Variants in FRMD8 observed in about 807,000 individuals in gnomAD.
The protein encoded by FRMD8 is FERM domain-containing protein 8.
A neutral mutation model predicts 54.2 loss-of-function variants in FRMD8; 37 were observed. That is an observed-to-expected ratio of 0.68 (90% CI 0.53 to 0.90). The LOEUF (loss-of-function observed/expected upper bound fraction) is 0.90. Among genes scored for constraint, FRMD8 ranks in the 40% least tolerant of loss-of-function variants. The pLI, the probability that FRMD8 is intolerant of heterozygous loss-of-function variation, is 0.00. For missense variants in FRMD8, 585 were observed against 653.7 expected, an observed-to-expected ratio of 0.89 and a Z score of 1.15; for synonymous variants, 246 against 286.9, an observed-to-expected ratio of 0.86 and a Z score of 1.44.
rs968088640 is a variant in FRMD8 at position 65,412,041 on chromosome 11, G to C, written c.*681G>C. On this transcript the variant is annotated 3_prime_UTR_variant, in exon 11 of 11. Coordinates refer to ENST00000317568, the MANE Select transcript of FRMD8 (RefSeq NM_031904.5). ...CAGGCAGGGCCCTACCTGGGGTCCTGTGCCCCTCGTTCTGGTCTCCTTTGC... is the reference window on the plus strand; with the variant it reads ...CAGGCAGGGCCCTACCTGGGGTCCTCTGCCCCTCGTTCTGGTCTCCTTTGC... 2.0e-5 allele frequency: 3 copies of C among 152,240 alleles called. No individual in the cohort carries two copies. The highest frequency in any genetic ancestry group is 4.4e-5 in the Non-Finnish European group (3 of 68,062). 9.4% of individuals were successfully genotyped at this position (152,240 alleles called of 1,614,324 possible).
At position 65,386,646 on chromosome 11, in the gene FRMD8, C is replaced by G. The variant is rs555865268; in HGVS notation, c.-116C>G. 20 of 215,294 alleles carry G rather than the reference C, an allele frequency of 9.3e-5. No homozygotes were observed. In the South Asian group the frequency reaches 9.8e-4, roughly 11 times the overall value. 13.3% of individuals were successfully genotyped at this position (215,294 alleles called of 1,614,324 possible). A position where few individuals can be genotyped will look rare whatever the true frequency, so the allele number is the denominator to read the frequency against. On this transcript the variant is annotated 5_prime_UTR_variant, in exon 1 of 11. Coordinates refer to ENST00000317568, the MANE Select transcript of FRMD8 (RefSeq NM_031904.5). The stretch of plus-strand genomic sequence containing the variant: ...CCGCCGTGGCTTCCGCGTCGCTTCC[C>G]GGTCAGCTGCGTCCTTAGCGGGAGC...
Position 65,404,460 on chromosome 11 carries a change from G to T in FRMD8, c.1072-404G>T, listed in dbSNP as rs533612662. ...CGCCCGCCCCTGCCCTGGTGACATC[G>T]CGCCCCTTCCTCCTGGCTGCAGGTT... On this transcript the variant is annotated intron_variant, in intron 9 of 10. Coordinates refer to ENST00000317568, the MANE Select transcript of FRMD8 (RefSeq NM_031904.5). The surrounding 1 kb of genome is among the most constrained non-coding windows in gnomAD (Gnocchi z 4.7). Among the ~76,000 whole-genome samples, 3 of 151,832 alleles carry T rather than the reference G, an allele frequency of 2.0e-5. No individual in the cohort carries two copies. In the South Asian group the frequency reaches 6.2e-4, roughly 31 times the overall value.
At chr11:65,380,198 T>G in the FRMD8 span, 15 of 1,614,086 alleles carry the variant, frequency 9.3e-6, no homozygotes, top group Non-Finnish European at 1.3e-5. Flanking sequence ...GAGGGTGCTA[T>G]GAGTGAGGGC....
the FRMD8 span, chr11:65,376,992 G>T: frequency 6.2e-7 from 1 of 1,613,742 alleles, no homozygotes; most frequent in Non-Finnish European, 8.5e-7. Context: ...TGGTACCGGG[G>T]TGGGGGGCTC....
At chr11:65,396,197 C>G (rs910642600) in intron 6 of FRMD8, among the ~76,000 whole-genome samples, 6 of 152,192 alleles carry the variant, frequency 3.9e-5, no homozygotes, top group Admixed American at 2.6e-4. Context: ...GGTTGGGTGA[C>G]AGGACCAGGC....
chr11:65,382,900 G>C (rs1192697369), upstream of FRMD8: 1 of 152,350 alleles, frequency 6.6e-6, no homozygotes, highest in African/African-American at 2.4e-5. This position sits in a 1 kb window ranked among gnomAD's most constrained non-coding sequence, Gnocchi z 4.4. Flanking sequence ...CTCCCCAGCC[G>C]GAGGCACTGC....
At chr11:65,371,227 C>T in the FRMD8 span, among the ~76,000 whole-genome samples, 1 of 152,116 alleles carries the variant, frequency 6.6e-6, no homozygotes, top group Non-Finnish European at 1.5e-5. Flanking sequence ...GTGGTTGTGT[C>T]ATTTCCCCCT....
intron 10 of FRMD8, among the ~76,000 whole-genome samples, chr11:65,405,530 G>T (rs895715157): frequency 3.9e-5 from 6 of 152,208 alleles, no homozygotes; most frequent in African/African-American, 1.2e-4. Flanking sequence ...GGCTGAGGCA[G>T]GAAAAACGCT....
At chr11:65,376,324 G>C in the FRMD8 span, 1 of 1,509,820 alleles carries the variant, frequency 6.6e-7, no homozygotes, top group Non-Finnish European at 9.0e-7. Flanking sequence ...GCACTGATTT[G>C]CAAGCTTTCA....
chr11:65,369,762 G>A, the FRMD8 span, among the ~76,000 whole-genome samples: 3 of 151,080 alleles, frequency 2.0e-5, no homozygotes, highest in Non-Finnish European at 4.4e-5. Flanking sequence ...GCTGGGCATA[G>A]TGGCTCATGC....
the FRMD8 span, among the ~76,000 whole-genome samples, chr11:65,373,797 A>G: frequency 2.6e-5 from 4 of 152,150 alleles, no homozygotes; most frequent in African/African-American, 4.8e-5. Flanking sequence ...TATGTTGCCC[A>G]GGCTGGTCTT....
intron 6 of FRMD8, 55 bp from the exon 7 acceptor site, chr11:65,396,744 C>G: frequency 8.1e-7 from 1 of 1,232,646 alleles, no homozygotes; most frequent in Non-Finnish European, 1.1e-6. Flanking sequence ...CGCCCTCCCC[C>G]GTGAGCCTGG....
chr11:65,410,108 G>T (rs937725244), intron 10 of FRMD8, among the ~76,000 whole-genome samples: 13 of 152,066 alleles, frequency 8.5e-5, no homozygotes, highest in Non-Finnish European at 1.9e-4. Context: ...GCTCACACCT[G>T]TAATCCCAGC....
In FRMD8 at chr11:65,400,442, C is replaced by T. The variant is rs1373305666; in HGVS notation, c.928-282C>T. ...GCCACGCCCGACCTCATAGAAGAGA[C>T]TCCGCTTCCCCACCTGCCTCCTCCC... is the stretch of plus-strand genomic sequence containing the variant. On this transcript the variant is annotated intron_variant, in intron 8 of 10. Transcript: ENST00000317568. This position sits in a 1 kb window ranked among gnomAD's most constrained non-coding sequence, Gnocchi z 4.3. Among the ~76,000 whole-genome samples the T allele has an allele frequency of 6.6e-6, 1 of 152,198 alleles. No individual in the cohort carries two copies. Among genetic ancestry groups the T allele is most frequent in the Non-Finnish European group, 1.5e-5 (1 of 68,028 alleles).
chr11:65,392,568 T>C (rs1333987695), intron 3 of FRMD8, among the ~76,000 whole-genome samples: 1 of 152,148 alleles, frequency 6.6e-6, no homozygotes, highest in Non-Finnish European at 1.5e-5. Context: ...GCTTTGTCCC[T>C]CCTGGCCTGA....
upstream of FRMD8, chr11:65,382,285 C>A (rs1435496735): frequency 5.2e-6 from 2 of 385,122 alleles, no homozygotes; most frequent in Non-Finnish European, 9.8e-6. This position sits in a 1 kb window ranked among gnomAD's most constrained non-coding sequence, Gnocchi z 4.4. Flanking sequence ...TCCAGGGCTG[C>A]CTTAGTCAGC....
chr11:65,371,836 G>C, the FRMD8 span, among the ~76,000 whole-genome samples: 5 of 152,010 alleles, frequency 3.3e-5, no homozygotes, highest in South Asian at 2.1e-4. Context: ...GGATGGTCTC[G>C]ATCTCCTGAC....
chr11:65,380,706 G>T, the FRMD8 span: 2 of 809,184 alleles, frequency 2.5e-6, no homozygotes, highest in Non-Finnish European at 3.5e-6. Flanking sequence ...GCCTAGCCCT[G>T]CCCTCCACAG....
At chr11:65,407,816 G>A (rs566162295) in intron 10 of FRMD8, among the ~76,000 whole-genome samples, 1 of 151,270 alleles carries the variant, frequency 6.6e-6, no homozygotes, top group African/African-American at 2.4e-5. Flanking sequence ...CCTGGGAGGC[G>A]GAGCTTGCAG....
Sources: allele counts gnomAD v4.1 joint callset (sites outside exome capture counted in the v4.1 genomes callset), GRCh38; gene constraint gnomAD v4.1.1; non-coding constraint Gnocchi (gnomAD v3.1); transcripts MANE v1.5; gene names NCBI Gene and HGNC (gene_info 2026-07-23, HGNC 2026-07-21).